Variants in SND1 observed in about 807,000 individuals in gnomAD.
SND1 encodes the protein staphylococcal nuclease and tudor domain containing 1, also known as staphylococcal nuclease domain-containing protein 1.
Under a neutral mutation model 121.7 loss-of-function variants are expected in SND1, and 38 were observed. The ratio of observed to expected loss-of-function variants is 0.31; its 90% CI spans 0.24 to 0.41. SND1 has a LOEUF of 0.41. Among genes scored for constraint, SND1 ranks in the 10% least tolerant of loss-of-function variants. SND1 has a pLI of 1.00. For missense variants in SND1, 868 were observed against 1,184.6 expected (o/e 0.73, Z 3.92); for synonymous variants, 401 against 447.4 (o/e 0.90, Z 1.31).
At chr7:127,816,460 T>G (rs770294498) in intron 11 of SND1, among the ~76,000 whole-genome samples, 56 of 152,190 alleles carry the variant, frequency 3.7e-4, no homozygotes, top group Non-Finnish European at 7.2e-4. Context: ...TCTGCAGCTT[T>G]GCCTTCTCAC....
chr7:127,796,294 G>GC (rs777259921), intron 10 of SND1, among the ~76,000 whole-genome samples: 16 of 152,026 alleles, frequency 1.1e-4, no homozygotes, highest in African/African-American at 2.7e-4. Context: ...TGATACAACT[G>GC]CCCCCCCTTT....
intron 10 of SND1, among the ~76,000 whole-genome samples, chr7:127,756,373 A>G (rs1797194557): frequency 6.6e-6 from 1 of 152,234 alleles, no homozygotes; most frequent in South Asian, 2.1e-4. Flanking sequence ...TTTATCATCT[A>G]AGATAAACTG....
intron 10 of SND1, among the ~76,000 whole-genome samples, chr7:127,791,213 A>G (rs562355865): frequency 2.3e-5 from 3 of 131,000 alleles, no homozygotes; most frequent in African/African-American, 9.0e-5. Flanking sequence ...CAGTGGTGCT[A>G]TCTCCACTCA....
At chr7:127,870,069 C>G (rs569817852) in intron 12 of SND1, among the ~76,000 whole-genome samples, 1 of 152,272 alleles carries the variant, frequency 6.6e-6, no homozygotes, top group Admixed American at 6.5e-5. Flanking sequence ...GACCTGAGTT[C>G]TAGCCCAGGT....
intron 16 of SND1, among the ~76,000 whole-genome samples, chr7:128,018,129 A>C (rs1298897664): frequency 6.6e-6 from 1 of 152,240 alleles, no homozygotes; most frequent in Non-Finnish European, 1.5e-5. Flanking sequence ...AGTACTGCTC[A>C]GGGCACCGCC....
intron 10 of SND1, among the ~76,000 whole-genome samples, chr7:127,797,407 C>CTCAA (rs1159412953): frequency 6.6e-6 from 1 of 152,240 alleles, no homozygotes; most frequent in Non-Finnish European, 1.5e-5. Context: ...GAGAACTGAA[C>CTCAA]TCAAGCCTTG....
intron 10 of SND1, among the ~76,000 whole-genome samples, chr7:127,775,638 T>A (rs1433201014): frequency 6.6e-6 from 1 of 152,030 alleles, no homozygotes; most frequent in Admixed American, 6.6e-5. Flanking sequence ...TTCTCTACCC[T>A]ATCTGCTTGT....
At chr7:127,685,861 G>C (rs1256297505) in intron 1 of SND1, 2 of 152,570 alleles carry the variant, frequency 1.3e-5, no homozygotes, top group African/African-American at 4.8e-5. Context: ...CCTCCCAGGG[G>C]TGTGTAGGGA....
At position 127,991,645 on chromosome 7, in the gene SND1, A is replaced by G. The variant is rs968368131; in HGVS notation, c.1779+589A>G. The stretch of plus-strand genomic sequence containing the variant: ...CCATTTGTCCTGCTAGGTGGGCACA[A>G]GAAAGGAGCAGCAGGGAGGTGTGCT... On this transcript the variant is annotated intron_variant, in intron 16 of 23. Transcript: ENST00000354725. Among the ~76,000 whole-genome samples, 3 of 152,110 alleles carry G rather than the reference A, an allele frequency of 2.0e-5. No individual in the cohort carries two copies. In the East Asian group the frequency reaches 5.8e-4, roughly 29 times the overall value.
intron 16 of SND1, among the ~76,000 whole-genome samples, chr7:128,022,409 TC>T (rs1196942057): frequency 3.9e-5 from 6 of 152,290 alleles, no homozygotes; most frequent in African/African-American, 1.4e-4. Flanking sequence ...GAGTAGCCTC[TC>T]ATATCAATGC....
chr7:127,856,715 A>G (rs882694), intron 12 of SND1, among the ~76,000 whole-genome samples: 43,262 of 152,124 alleles, frequency 0.28, 7,729 homozygotes, highest in East Asian at 0.7. Flanking sequence ...TGTGTTTAAA[A>G]TGTGGTTTAT....
At chr7:127,920,952 G>A (rs537907162) in intron 14 of SND1, among the ~76,000 whole-genome samples, 1 of 151,586 alleles carries the variant, frequency 6.6e-6, no homozygotes, top group East Asian at 1.9e-4. Context: ...AAAAGGCAAT[G>A]ACTTCATTTC....
At chr7:127,746,886 C>A (rs897226772) in intron 10 of SND1, among the ~76,000 whole-genome samples, 23 of 152,180 alleles carry the variant, frequency 1.5e-4, no homozygotes, top group Non-Finnish European at 2.8e-4. Context: ...AGGCTGCTAG[C>A]ATTCAGTCTT....
chr7:127,989,903 A>G (rs1473338263), intron 15 of SND1, among the ~76,000 whole-genome samples: 1 of 152,232 alleles, frequency 6.6e-6, no homozygotes, highest in Non-Finnish European at 1.5e-5. Context: ...AGTGGTAAAT[A>G]TACTTGCAAA....
chr7:127,963,606 G>A lies in SND1; in HGVS notation c.1670-27341G>A, dbSNP rs572481516. Among the ~76,000 whole-genome samples, 176 of 44,026 alleles carry A rather than the reference G, an allele frequency of 4.0e-3. 3 individuals are homozygous for A. Among genetic ancestry groups the A allele is most frequent in the African/African-American group, 0.017 (164 of 9,574 alleles). 28.9% of individuals were successfully genotyped at this position (44,026 alleles called of 152,430 possible). A position where few individuals can be genotyped will look rare whatever the true frequency, so the allele number is the denominator to read the frequency against. On this transcript the variant is annotated intron_variant, in intron 15 of 23. Coordinates refer to ENST00000354725, the MANE Select transcript of SND1 (RefSeq NM_014390.4). ...ACTCATCATTTTTTATGGCTGCATA[G>A]TATTCCATGGTGTATATGTGCCACA... is the stretch of plus-strand genomic sequence containing the variant.
At chr7:127,693,149 A>G (rs1021398632) in intron 2 of SND1, among the ~76,000 whole-genome samples, 1 of 152,188 alleles carries the variant, frequency 6.6e-6, no homozygotes, top group Admixed American at 6.5e-5. Flanking sequence ...CCCTAAGGTA[A>G]TAAAAATTTG....
intron 1 of SND1, among the ~76,000 whole-genome samples, chr7:127,670,183 T>A (rs1247514595): frequency 2.0e-5 from 3 of 152,084 alleles, no homozygotes; most frequent in Admixed American, 2.0e-4. Flanking sequence ...TAGAGACAGT[T>A]TCACCATGTT....
At chr7:127,794,878 A>G (rs1274855940) in intron 10 of SND1, among the ~76,000 whole-genome samples, 1 of 152,258 alleles carries the variant, frequency 6.6e-6, no homozygotes, top group Non-Finnish European at 1.5e-5. Context: ...TCCAATGAAA[A>G]GGAAAGTAGT....
intron 10 of SND1, among the ~76,000 whole-genome samples, chr7:127,765,483 TG>T (rs1394168025): frequency 1.3e-5 from 2 of 152,244 alleles, no homozygotes; most frequent in African/African-American, 4.8e-5. Flanking sequence ...CAGAATCGTG[TG>T]GCAACATTAG....
Sources: gnomAD v4.1 joint callset for allele counts (sites outside exome capture counted in the v4.1 genomes callset) on GRCh38, gnomAD v4.1.1 for gene constraint, MANE v1.5 for transcripts, NCBI Gene and HGNC (gene_info 2026-07-23, HGNC 2026-07-21) for gene names.